MAT1A: variants seen among roughly 807,000 people sequenced by gnomAD.
MAT1A encodes S-adenosylmethionine synthase isoform type-1.
Under a neutral mutation model 44.0 loss-of-function variants are expected in MAT1A, and 19 were observed. The ratio of observed to expected loss-of-function variants is 0.43; its 90% CI spans 0.30 to 0.63. MAT1A has a LOEUF of 0.63. Ranked by LOEUF, MAT1A falls within the 30% of genes least tolerant of loss-of-function variation. MAT1A has a pLI of 0.12. For missense variants in MAT1A, 397 were observed against 531.0 expected (o/e 0.75, Z 2.48); for synonymous variants, 205 against 205.6 (o/e 1.00, Z 0.03).
At position 80,273,644 on chromosome 10, in the gene MAT1A, C is replaced by A; in HGVS notation, c.*137G>T. On this transcript the variant is annotated 3_prime_UTR_variant, in exon 9 of 9. Coordinates refer to ENST00000372213, the MANE Select transcript of MAT1A (RefSeq NM_000429.3). The stretch of plus-strand genomic sequence containing the variant: ...CCAGCTGGCCATGATGATGACAGGA[C>A]AGGCTAAATGAGAGGGACCTGGCTT... 1 of 760,618 alleles carries A rather than the reference C, an allele frequency of 1.3e-6. No individual in the cohort carries two copies. The highest frequency in any genetic ancestry group is 2.4e-6 in the Non-Finnish European group (1 of 413,970). 47.1% of individuals were successfully genotyped at this position (760,618 alleles called of 1,614,324 possible).
chr10:80,278,063 G>A (rs1414185178), intron 5 of MAT1A, among the ~76,000 whole-genome samples: 1 of 152,198 alleles, frequency 6.6e-6, no homozygotes, highest in African/African-American at 2.4e-5. Flanking sequence ...TGGAGGGAGT[G>A]TCTAGAGCAA....
chr10:80,273,954 G>A (rs1278066528), intron 8 of MAT1A, 71 bp from the exon 9 acceptor site: 6 of 1,129,074 alleles, frequency 5.3e-6, no homozygotes, highest in South Asian at 1.2e-5. Context: ...CCATTTCAAG[G>A]ACAGGAGGGA....
At position 80,273,685 on chromosome 10, in the gene MAT1A, TG is replaced by T; in HGVS notation, c.*95del. ...GACCTGGCTTTGCCCTGAGGGTTGG[TG>T]GGTGGGGAAGGCGATCAGCAGCCAG... On this transcript the variant is annotated 3_prime_UTR_variant, in exon 9 of 9. Transcript: ENST00000372213. The T allele has an allele frequency of 1.1e-6, 1 of 884,956 alleles. No individual in the cohort carries two copies. Among genetic ancestry groups the T allele is most frequent in the Non-Finnish European group, 1.9e-6 (1 of 517,646 alleles). 54.8% of individuals were successfully genotyped at this position (884,956 alleles called of 1,614,324 possible). A position where few individuals can be genotyped will look rare whatever the true frequency, so the allele number is the denominator to read the frequency against.
intron 5 of MAT1A, among the ~76,000 whole-genome samples, chr10:80,279,009 G>A (rs74663402): frequency 0.019 from 2,959 of 152,326 alleles, 107 homozygotes; most frequent in African/African-American, 0.068. Context: ...CAAAGATGGT[G>A]TGGGGCAGGC....
intron 1 of MAT1A, among the ~76,000 whole-genome samples, chr10:80,289,090 G>A (rs1841686624): frequency 6.6e-6 from 1 of 152,220 alleles, no homozygotes; most frequent in Non-Finnish European, 1.5e-5. Flanking sequence ...TAGGGTGACT[G>A]AAGGGCTAGA....
intron 2 of MAT1A, 147 bp downstream of exon 2, chr10:80,285,365 G>T (rs1841634941): frequency 2.8e-6 from 2 of 708,736 alleles, no homozygotes; most frequent in Non-Finnish European, 5.3e-6. Flanking sequence ...CTACACAGGG[G>T]AGGTCTCATA....
chr10:80,272,420 C>T lies in MAT1A; in HGVS notation c.*1361G>A, dbSNP rs1461763331. ...ACTGCTCAGGCCCCTTGGGAGCAGA[C>T]CCGCTCCCCAGACAGTCACCTGGCA... On this transcript the variant is annotated 3_prime_UTR_variant, in exon 9 of 9. Coordinates refer to ENST00000372213, the MANE Select transcript of MAT1A (RefSeq NM_000429.3). 2 of 152,242 alleles carry T rather than the reference C, an allele frequency of 1.3e-5. No individual in the cohort carries two copies. Among genetic ancestry groups the T allele is most frequent in the African/African-American group, 4.8e-5 (2 of 41,430 alleles). 9.4% of individuals were successfully genotyped at this position (152,242 alleles called of 1,614,324 possible). A position where few individuals can be genotyped will look rare whatever the true frequency, so the allele number is the denominator to read the frequency against.
chr10:80,274,880 T>C (rs1376269145), intron 7 of MAT1A, 137 bp downstream of exon 7: 2 of 1,262,606 alleles, frequency 1.6e-6, no homozygotes, highest in Non-Finnish European at 2.2e-6. Context: ...CTGGCCACAG[T>C]GCCCAACACA....
At chr10:80,284,489 T>C (rs1331376960) in intron 2 of MAT1A, among the ~76,000 whole-genome samples, 1 of 152,114 alleles carries the variant, frequency 6.6e-6, no homozygotes, top group Non-Finnish European at 1.5e-5. Context: ...GCCAACCTTC[T>C]CTCCAGATAT....
intron 1 of MAT1A, among the ~76,000 whole-genome samples, chr10:80,287,405 A>AAAAAT (rs1841662868): frequency 6.6e-6 from 1 of 152,256 alleles, no homozygotes. Context: ...TCTAGCAGAG[A>AAAAAT]GGAATTCAGC....
At position 80,275,131 on chromosome 10, in the gene MAT1A, A is replaced by G. The variant is rs1350927174; in HGVS notation, c.837T>C (p.Gly279=). Residue 279 remains glycine (G), a synonymous_variant, in exon 7 of 9, where the codon GGT becomes GGC. Coordinates refer to ENST00000372213, the MANE Select transcript of MAT1A (RefSeq NM_000429.3). ...DTYGGWGAHG[G]GAFSGKDYTK... ...TGTAGTCCTTCCCAGAGAAGGCCCC[A>G]CCACCATGAGCCCCCCAGCCGCCAT... The G allele has an allele frequency of 1.2e-6, 2 of 1,612,606 alleles. No homozygotes were observed. The highest frequency in any genetic ancestry group is 4.5e-5 in the East Asian group (2 of 44,852).
chr10:80,274,235 T>G (rs1218668037), intron 8 of MAT1A, among the ~76,000 whole-genome samples: 1 of 152,196 alleles, frequency 6.6e-6, no homozygotes, highest in Non-Finnish European at 1.5e-5. Flanking sequence ...TTTGGCCTTA[T>G]ATTAATAATT....
Position 80,274,572 on chromosome 10 carries a change from G to A in MAT1A, c.1033C>T (p.Leu345=). The change falls in exon 8 of 9, where the codon CTG becomes TTG. Residue 345 remains leucine (L), a synonymous_variant. Coordinates refer to ENST00000372213, the MANE Select transcript of MAT1A (RefSeq NM_000429.3). ...YGTSQKTERE[L]LDVVHKNFDL... is the part of the protein sequence containing the mutation. ...AAGTTCTTATGCACCACATCCAGCA[G>A]CTCTCGCTCTGTCTTCTGAGAGGTT... 1.2e-6 allele frequency: 2 copies of A among 1,614,194 alleles called. No homozygotes were observed. Among genetic ancestry groups the A allele is most frequent in the Non-Finnish European group, 1.7e-6 (2 of 1,180,032 alleles).
chr10:80,284,170 A>G (rs1841610606), intron 2 of MAT1A, 132 bp from the exon 3 acceptor site: 1 of 1,203,364 alleles, frequency 8.3e-7, no homozygotes, highest in Admixed American at 2.0e-5. Context: ...TTCCAGAAGG[A>G]AAATAGAAAC....
At position 80,274,517 on chromosome 10, in the gene MAT1A, T is replaced by TAC; in HGVS notation, c.1085+1_1085+2dup. The TAC allele has an allele frequency of 6.2e-7, 1 of 1,614,190 alleles. No homozygotes were observed. The highest frequency in any genetic ancestry group is 2.2e-5 in the East Asian group (1 of 44,880). On this transcript the variant is annotated splice_region_variant and intron_variant, in intron 8 of 8. Transcript: ENST00000372213. The stretch of plus-strand genomic sequence containing the variant: ...TGTGTAATAGCAGCGCATGGCACTT[T>TAC]ACCTGACAATGACGCCCGGCCGGAG...
chr10:80,288,128 G>A (rs1841670685), intron 1 of MAT1A, among the ~76,000 whole-genome samples: 1 of 152,198 alleles, frequency 6.6e-6, no homozygotes, highest in South Asian at 2.1e-4. Context: ...TACAAGGTAG[G>A]AAAGATAAAT....
intron 2 of MAT1A, among the ~76,000 whole-genome samples, chr10:80,284,655 A>C (rs1379247566): frequency 2.0e-5 from 3 of 152,222 alleles, no homozygotes; most frequent in Admixed American, 1.3e-4. Flanking sequence ...TCTGGTCTTC[A>C]CACTGGGGCA....
chr10:80,284,436 A>C (rs1436977686), intron 2 of MAT1A, among the ~76,000 whole-genome samples: 1 of 152,222 alleles, frequency 6.6e-6, no homozygotes, highest in Non-Finnish European at 1.5e-5. Context: ...CCTCCACTGC[A>C]GGCTTTAGGG....
intron 3 of MAT1A, 73 bp from the exon 4 acceptor site, chr10:80,280,865 G>T: frequency 9.3e-7 from 1 of 1,078,580 alleles, no homozygotes; most frequent in Non-Finnish European, 1.4e-6. Context: ...CCAATGGATG[G>T]CTCGGTTCCT....
Sources: gnomAD v4.1 joint callset for allele counts (sites outside exome capture counted in the v4.1 genomes callset) on GRCh38, gnomAD v4.1.1 for gene constraint, MANE v1.5 for transcripts, NCBI Gene and HGNC (gene_info 2026-07-23, HGNC 2026-07-21) for gene names.